PPP1R1C: variants seen among roughly 807,000 people sequenced by gnomAD.
The protein encoded by PPP1R1C is protein phosphatase 1 regulatory inhibitor subunit 1C, also known as protein phosphatase 1 regulatory subunit 1C.
Under a neutral mutation model 17.4 loss-of-function variants are expected in PPP1R1C, and 15 were observed. That is an observed-to-expected ratio of 0.86 (90% CI 0.58 to 1.33). PPP1R1C has a LOEUF of 1.33. Among genes scored for constraint, PPP1R1C ranks in the 40% most tolerant of loss-of-function variants. The probability of loss-of-function intolerance (pLI) is 0.00; values close to 1 mark genes in which losing one functional copy is unlikely to be tolerated. For synonymous variants in PPP1R1C, 35 were observed against 43.1 expected, an observed-to-expected ratio of 0.81 and a Z score of 0.73; for missense variants, 143 against 130.0, an observed-to-expected ratio of 1.10 and a Z score of -0.48.
At chr2:181,964,532 A>G (rs1280621627) in intron 1 of PPP1R1C, among the ~76,000 whole-genome samples, 1 of 152,122 alleles carries the variant, frequency 6.6e-6, no homozygotes, top group Non-Finnish European at 1.5e-5. Flanking sequence ...TAGTTTTTTA[A>G]GGAACCTCCA....
At chr2:182,048,670 A>G (rs993832075) in intron 2 of PPP1R1C, among the ~76,000 whole-genome samples, 3 of 152,152 alleles carry the variant, frequency 2.0e-5, no homozygotes. Context: ...TGGGTCAATG[A>G]TTGTATTGAA....
intron 4 of PPP1R1C, among the ~76,000 whole-genome samples, chr2:182,076,658 C>G (rs999989864): frequency 6.6e-6 from 1 of 152,046 alleles, no homozygotes; most frequent in South Asian, 2.1e-4. Flanking sequence ...GTAATTCCCT[C>G]TTTGTGCAAT....
chr2:182,050,811 A>G (rs753398200), intron 2 of PPP1R1C, among the ~76,000 whole-genome samples: 2 of 152,224 alleles, frequency 1.3e-5, no homozygotes, highest in Non-Finnish European at 2.9e-5. Flanking sequence ...ATTTTAATAT[A>G]GAAGATTTTT....
chr2:181,971,418 T>C (rs1685004823), intron 1 of PPP1R1C, among the ~76,000 whole-genome samples: 1 of 152,184 alleles, frequency 6.6e-6, no homozygotes, highest in African/African-American at 2.4e-5. Flanking sequence ...CCTATTCTAC[T>C]GTGGCTGAGC....
At chr2:182,120,696 G>A (rs1689713322), downstream of PPP1R1C, among the ~76,000 whole-genome samples, 1 of 152,058 alleles carries the variant, frequency 6.6e-6, no homozygotes, top group Non-Finnish European at 1.5e-5. Context: ...ACATAACATT[G>A]CCCTTCCCTT....
At chr2:182,068,694 G>A (rs1328466385) in intron 4 of PPP1R1C, among the ~76,000 whole-genome samples, 3 of 152,102 alleles carry the variant, frequency 2.0e-5, no homozygotes, top group Non-Finnish European at 2.9e-5. Context: ...AAGAGATACT[G>A]ATATTTCAAT....
chr2:181,988,538 T>C (rs549880915), intron 2 of PPP1R1C, among the ~76,000 whole-genome samples: 1 of 152,362 alleles, frequency 6.6e-6, no homozygotes, highest in Admixed American at 6.5e-5. Context: ...ATTTACTTAT[T>C]GAAGCGGGGT....
chr2:181,959,052 C>T (rs973376389), intron 1 of PPP1R1C, among the ~76,000 whole-genome samples: 6 of 152,250 alleles, frequency 3.9e-5, no homozygotes, highest in African/African-American at 1.4e-4. Flanking sequence ...TAGATATTAC[C>T]ATATAGTTTC....
chr2:182,115,859 C>A (rs1689565402), intron 4 of PPP1R1C, among the ~76,000 whole-genome samples: 1 of 152,092 alleles, frequency 6.6e-6, no homozygotes, highest in Non-Finnish European at 1.5e-5. Context: ...TGTTTTATAG[C>A]AAACATGAGG....
intron 4 of PPP1R1C, among the ~76,000 whole-genome samples, chr2:182,087,613 G>T (rs765136347): frequency 6.6e-6 from 1 of 152,136 alleles, no homozygotes; most frequent in Non-Finnish European, 1.5e-5. Flanking sequence ...AGGTACTCAG[G>T]AAATATCTGT....
chr2:182,114,808 A>G (rs1164681673), intron 4 of PPP1R1C, among the ~76,000 whole-genome samples: 1 of 152,162 alleles, frequency 6.6e-6, no homozygotes, highest in Non-Finnish European at 1.5e-5. Flanking sequence ...GAGTGATTTT[A>G]CTTTGAAAAA....
At chr2:182,087,916 AT>A (rs1453713765) in intron 4 of PPP1R1C, among the ~76,000 whole-genome samples, 4 of 152,252 alleles carry the variant, frequency 2.6e-5, no homozygotes, top group African/African-American at 7.2e-5. Context: ...CTCACAGGGC[AT>A]AACCATAGGC....
chr2:182,118,852 T>G (rs1689656220), downstream of PPP1R1C, among the ~76,000 whole-genome samples: 1 of 151,092 alleles, frequency 6.6e-6, no homozygotes. Context: ...TCTCCCTCTC[T>G]CCCCTTCTCC....
intron 4 of PPP1R1C, among the ~76,000 whole-genome samples, chr2:182,105,330 T>C (rs544049952): frequency 7.4e-4 from 112 of 152,328 alleles, no homozygotes; most frequent in African/African-American, 2.2e-3. Context: ...TGAAGCCCAC[T>C]TAAAAATTGT....
chr2:182,029,270 T>A (rs371573978), intron 2 of PPP1R1C, among the ~76,000 whole-genome samples: 1 of 151,684 alleles, frequency 6.6e-6, no homozygotes, highest in Non-Finnish European at 1.5e-5. Context: ...GTTAGCTGGT[T>A]ATTTTGCTCG....
intron 4 of PPP1R1C, among the ~76,000 whole-genome samples, chr2:182,070,660 T>C (rs1037123134): frequency 9.8e-5 from 15 of 152,342 alleles, no homozygotes; most frequent in African/African-American, 3.6e-4. Flanking sequence ...ACAGTTATAA[T>C]TGGTAAATCA....
At chr2:182,050,572 C>G (rs1409159857) in intron 2 of PPP1R1C, among the ~76,000 whole-genome samples, 2 of 152,122 alleles carry the variant, frequency 1.3e-5, no homozygotes, top group Non-Finnish European at 2.9e-5. Context: ...GCTCAGATGC[C>G]AGCCTTACCT....
At chr2:182,005,746 T>C (rs1376907293) in intron 2 of PPP1R1C, among the ~76,000 whole-genome samples, 2 of 152,186 alleles carry the variant, frequency 1.3e-5, no homozygotes, top group Non-Finnish European at 1.5e-5. Context: ...AGAAAAATTA[T>C]ATTGCTTGCC....
At chr2:182,092,089 A>G (rs778776000) in intron 4 of PPP1R1C, among the ~76,000 whole-genome samples, 37 of 152,350 alleles carry the variant, frequency 2.4e-4, no homozygotes, top group Non-Finnish European at 1.6e-4. Context: ...AAGGAGGGCT[A>G]GAGAGAGTGT....
Sources: allele counts gnomAD v4.1 joint callset (sites outside exome capture counted in the v4.1 genomes callset), GRCh38; gene constraint gnomAD v4.1.1; transcripts MANE v1.5; gene names NCBI Gene and HGNC (gene_info 2026-07-23, HGNC 2026-07-21).